The following PPP3CA variants were observed in gnomAD, a reference collection of about 807,000 sequenced individuals.
PPP3CA encodes protein phosphatase 3 catalytic subunit alpha.
In PPP3CA, 14 loss-of-function variants were observed where a neutral mutation model predicts 66.5. The observed-to-expected ratio is 0.21, with a 90% CI of 0.14 to 0.33. The LOEUF (loss-of-function observed/expected upper bound fraction) is 0.33, where lower values mean the gene tolerates loss of function less well. Ranked by LOEUF, PPP3CA falls within the 10% of genes least tolerant of loss-of-function variation. PPP3CA has a pLI of 1.00. For missense variants in PPP3CA, 317 were observed against 639.5 expected, an observed-to-expected ratio of 0.50 and a Z score of 5.44; for synonymous variants, 232 against 226.2, an observed-to-expected ratio of 1.03 and a Z score of -0.23.
intron 1 of PPP3CA, chr4:101,330,487 G>C: frequency 2.0e-6 from 1 of 512,420 alleles, no homozygotes; most frequent in Non-Finnish European, 4.0e-6. Flanking sequence ...TTAGCACAAC[G>C]GTTATGTATT....
chr4:101,058,223 A>G (rs1360268412), intron 10 of PPP3CA, among the ~76,000 whole-genome samples: 2 of 152,192 alleles, frequency 1.3e-5, no homozygotes, highest in African/African-American at 2.4e-5. Context: ...TTTAATATGC[A>G]TTGAATACTT....
chr4:101,030,617 G>C (rs958681561), intron 12 of PPP3CA, among the ~76,000 whole-genome samples: 1 of 152,034 alleles, frequency 6.6e-6, no homozygotes, highest in African/African-American at 2.4e-5. Flanking sequence ...AATAACCTAA[G>C]TAAAAACACA....
At chr4:101,097,168 C>T (rs1730232725) in intron 5 of PPP3CA, among the ~76,000 whole-genome samples, 2 of 152,066 alleles carry the variant, frequency 1.3e-5, no homozygotes, top group Non-Finnish European at 2.9e-5. Flanking sequence ...TAAATATATA[C>T]TGAGTAGTAT....
intron 2 of PPP3CA, among the ~76,000 whole-genome samples, chr4:101,138,452 T>A (rs139714987): frequency 6.6e-6 from 1 of 152,356 alleles, no homozygotes; most frequent in African/African-American, 2.4e-5. Flanking sequence ...TGGTAGCTAT[T>A]ATTACAGGTC....
At chr4:101,256,282 T>A (rs563261704) in intron 1 of PPP3CA, among the ~76,000 whole-genome samples, 13 of 152,116 alleles carry the variant, frequency 8.5e-5, no homozygotes, top group African/African-American at 2.9e-4. Flanking sequence ...AAGAGACTCC[T>A]ACCAACCAGG....
chr4:101,026,119 C>A, intron 13 of PPP3CA, 58 bp from the exon 14 acceptor site: 1 of 1,416,166 alleles, frequency 7.1e-7, no homozygotes, highest in African/African-American at 1.4e-5. Context: ...AAACAAAGGG[C>A]ACAGCTGTTG....
At chr4:101,124,799 G>A (rs931985993) in intron 2 of PPP3CA, among the ~76,000 whole-genome samples, 1 of 100,324 alleles carries the variant, frequency 1.0e-5, no homozygotes, top group African/African-American at 5.1e-5. Context: ...AAGAAAGAAA[G>A]AGAAAACTGT....
intron 2 of PPP3CA, among the ~76,000 whole-genome samples, chr4:101,135,245 CAAA>C (rs11290239): frequency 0.21 from 29,271 of 142,040 alleles, 3,086 homozygotes; most frequent in African/African-American, 0.26. Context: ...TAATCCTTCT[CAAA>C]AAAAAAAAAA....
At chr4:101,121,943 A>G (rs1454817654) in intron 2 of PPP3CA, among the ~76,000 whole-genome samples, 2 of 152,078 alleles carry the variant, frequency 1.3e-5, no homozygotes, top group Non-Finnish European at 2.9e-5. Flanking sequence ...GTCCACACAT[A>G]TGTGAAATGT....
chr4:101,292,595 T>C (rs1320012516), intron 1 of PPP3CA, among the ~76,000 whole-genome samples: 2 of 152,232 alleles, frequency 1.3e-5, no homozygotes, highest in Non-Finnish European at 2.9e-5. Flanking sequence ...GAAGCCTCTA[T>C]GCTTTGGCAA....
In PPP3CA at chr4:101,210,322, T is replaced by G. The variant is rs536796479; in HGVS notation, c.59-14206A>C. On this transcript the variant is annotated intron_variant, in intron 1 of 13. Coordinates refer to ENST00000394854, the MANE Select transcript of PPP3CA (RefSeq NM_000944.5). The stretch of plus-strand genomic sequence containing the variant: ...TATTCCAGGGAATTTCAAACATTTC[T>G]TCAAGCTTTTCAGAGACAGTAAGGT... Among the ~76,000 whole-genome samples the G allele has an allele frequency of 2.0e-5, 3 of 152,306 alleles. No homozygotes were observed. In the South Asian group the frequency reaches 6.2e-4, roughly 32 times the overall value.
At chr4:101,231,056 G>C (rs1037095448) in intron 1 of PPP3CA, among the ~76,000 whole-genome samples, 1 of 151,606 alleles carries the variant, frequency 6.6e-6, no homozygotes, top group East Asian at 1.9e-4. Context: ...CCAGATCCAC[G>C]ATTTTCAATT....
At chr4:101,146,473 C>G (rs955067005) in intron 2 of PPP3CA, among the ~76,000 whole-genome samples, 1 of 151,306 alleles carries the variant, frequency 6.6e-6, no homozygotes, top group African/African-American at 2.4e-5. Flanking sequence ...AATGGAGTCT[C>G]GCTCTGTCGC....
chr4:101,174,231 T>G (rs1560640687), intron 2 of PPP3CA, among the ~76,000 whole-genome samples: 1 of 152,208 alleles, frequency 6.6e-6, no homozygotes, highest in African/African-American at 2.4e-5. Flanking sequence ...TATGTTTTTA[T>G]CAATAAGATT....
chr4:101,081,119 A>G (rs1000227292), intron 7 of PPP3CA, among the ~76,000 whole-genome samples: 1 of 152,156 alleles, frequency 6.6e-6, no homozygotes, highest in Non-Finnish European at 1.5e-5. Context: ...AAGTGATTTT[A>G]AGAAGAATGT....
intron 1 of PPP3CA, among the ~76,000 whole-genome samples, chr4:101,204,024 C>T (rs1323227023): frequency 3.9e-5 from 6 of 152,086 alleles, no homozygotes; most frequent in African/African-American, 9.7e-5. Context: ...TGCTGGAGGG[C>T]AGTGGTGCAA....
chr4:101,146,840 GT>G (rs1299404343), intron 2 of PPP3CA, among the ~76,000 whole-genome samples: 1 of 152,124 alleles, frequency 6.6e-6, no homozygotes, highest in Non-Finnish European at 1.5e-5. Flanking sequence ...GGGACCAGAA[GT>G]TTTTTAGATT....
chr4:101,321,696 G>A (rs528748531), intron 1 of PPP3CA, among the ~76,000 whole-genome samples: 27 of 152,202 alleles, frequency 1.8e-4, no homozygotes, highest in African/African-American at 6.3e-4. Flanking sequence ...TCCAAGATGG[G>A]AATAACAAAT....
chr4:101,160,331 A>AG (rs1723463284), intron 2 of PPP3CA, among the ~76,000 whole-genome samples: 1 of 152,172 alleles, frequency 6.6e-6, no homozygotes, highest in Non-Finnish European at 1.5e-5. Flanking sequence ...GGCTCACTTT[A>AG]GGGAAATAAC....
Sources: allele counts gnomAD v4.1 joint callset (sites outside exome capture counted in the v4.1 genomes callset), GRCh38; gene constraint gnomAD v4.1.1; transcripts MANE v1.5; gene names NCBI Gene and HGNC (gene_info 2026-07-23, HGNC 2026-07-21).